TIAM2: variants seen among roughly 807,000 people sequenced by gnomAD.
The protein encoded by TIAM2 is rho guanine nucleotide exchange factor TIAM2.
A neutral mutation model predicts 152.9 loss-of-function variants in TIAM2; 80 were observed. The observed-to-expected ratio is 0.52, with a 90% CI of 0.44 to 0.63. TIAM2 has a LOEUF of 0.63. Ranked by LOEUF, TIAM2 falls within the 30% of genes least tolerant of loss-of-function variation. The probability of loss-of-function intolerance (pLI) is 0.00; values close to 1 mark genes in which losing one functional copy is unlikely to be tolerated. For missense variants in TIAM2, 1,965 were observed against 2,120.1 expected (o/e 0.93, Z 1.44); for synonymous variants, 804 against 838.0 (o/e 0.96, Z 0.70).
rs1379975765 is a variant in TIAM2 at position 155,257,572 on chromosome 6, T to C, written c.*451T>C. The C allele has an allele frequency of 1.9e-5, 7 of 362,240 alleles. No individual in the cohort carries two copies. The highest frequency in any genetic ancestry group is 2.7e-5 in the Non-Finnish European group (6 of 223,592). 22.4% of individuals were successfully genotyped at this position (362,240 alleles called of 1,614,324 possible). On this transcript the variant is annotated 3_prime_UTR_variant, in exon 27 of 27. Transcript: ENST00000682666. ...AGGGGCAAAATGTGCAGATACTTCA[T>C]TTTTGTAAGATAGATTGTAATAGAT... is the stretch of plus-strand genomic sequence containing the variant.
At chr6:155,161,180 T>C (rs1274762293) in intron 7 of TIAM2, among the ~76,000 whole-genome samples, 3 of 151,776 alleles carry the variant, frequency 2.0e-5, no homozygotes, top group Non-Finnish European at 4.4e-5. Flanking sequence ...TATCCCTGTG[T>C]GCTCATTCCC....
chr6:155,120,982 G>A (rs919936381), intron 2 of TIAM2, among the ~76,000 whole-genome samples: 1 of 152,144 alleles, frequency 6.6e-6, no homozygotes, highest in African/African-American at 2.4e-5. Flanking sequence ...TGTATGGCTT[G>A]TGTCACTGGT....
chr6:155,225,942 G>A (rs115383868), intron 15 of TIAM2, among the ~76,000 whole-genome samples: 1 of 152,272 alleles, frequency 6.6e-6, no homozygotes, highest in Admixed American at 6.5e-5. Context: ...TTTAAGGCAA[G>A]TAGCCCTTGG....
At chr6:155,217,807 T>A (rs1354355900) in intron 15 of TIAM2, among the ~76,000 whole-genome samples, 1 of 152,222 alleles carries the variant, frequency 6.6e-6, no homozygotes, top group Non-Finnish European at 1.5e-5. Context: ...ATATAATTGA[T>A]ATATTTTGTC....
chr6:155,014,924 G>C (rs950645533), intron 1 of TIAM2, among the ~76,000 whole-genome samples: 4 of 152,124 alleles, frequency 2.6e-5, no homozygotes, highest in Non-Finnish European at 2.9e-5. Flanking sequence ...TGAGTTGTCC[G>C]TCAGGAGGCT....
intron 2 of TIAM2, among the ~76,000 whole-genome samples, chr6:155,106,375 C>G (rs1159338949): frequency 6.6e-6 from 1 of 152,034 alleles, no homozygotes; most frequent in Non-Finnish European, 1.5e-5. Flanking sequence ...CACTCTGAAC[C>G]TCTGCTGTAT....
intron 15 of TIAM2, among the ~76,000 whole-genome samples, chr6:155,228,078 G>A (rs975665393): frequency 3.3e-5 from 5 of 152,238 alleles, no homozygotes; most frequent in Admixed American, 6.5e-5. Flanking sequence ...GGGAGCCAGA[G>A]AAAGGGAGGA....
intron 2 of TIAM2, among the ~76,000 whole-genome samples, chr6:155,092,668 C>T (rs936674098): frequency 3.3e-5 from 5 of 151,856 alleles, no homozygotes; most frequent in Non-Finnish European, 7.4e-5. Flanking sequence ...CCAGTCTGAC[C>T]AACATGGAGA....
At chr6:155,232,190 G>C (rs1158306504) in intron 15 of TIAM2, among the ~76,000 whole-genome samples, 2 of 152,082 alleles carry the variant, frequency 1.3e-5, no homozygotes, top group Non-Finnish European at 2.9e-5. Context: ...GATAATACTA[G>C]ATCTTTCTGT....
chr6:155,200,674 G>T (rs1416867431), intron 14 of TIAM2, among the ~76,000 whole-genome samples: 1 of 152,168 alleles, frequency 6.6e-6, no homozygotes, highest in Non-Finnish European at 1.5e-5. Flanking sequence ...GGAGGCTGAG[G>T]TGGGCGGATC....
In TIAM2 at chr6:155,213,912, G is replaced by A. The variant is rs1466110698; in HGVS notation, c.3168+2605G>A. ...AAGAGCAGAGCGGGCACCAGGAGTA[G>A]GGAGAAACCAGGCAGTGGGAGCAGG... is the stretch of plus-strand genomic sequence containing the variant. On this transcript the variant is annotated intron_variant, in intron 15 of 26. Transcript: ENST00000682666. The surrounding 1 kb of genome is among the most constrained non-coding windows in gnomAD (Gnocchi z 4.2). Among the ~76,000 whole-genome samples the A allele has an allele frequency of 6.6e-6, 1 of 152,252 alleles. No individual in the cohort carries two copies. The highest frequency in any genetic ancestry group is 1.5e-5 in the Non-Finnish European group (1 of 68,046).
chr6:155,178,716 A>T (rs182261113), intron 10 of TIAM2, among the ~76,000 whole-genome samples: 1 of 152,216 alleles, frequency 6.6e-6, no homozygotes, highest in Non-Finnish European at 1.5e-5. Context: ...CTAGTATTAT[A>T]GGTGTGTGCC....
At chr6:155,066,860 A>T (rs1010351775) in intron 1 of TIAM2, among the ~76,000 whole-genome samples, 1 of 151,916 alleles carries the variant, frequency 6.6e-6, no homozygotes, top group Admixed American at 6.6e-5. Context: ...GGTTCAAGCG[A>T]TTCTCCTGCC....
chr6:155,207,075 C>G (rs990196069), intron 14 of TIAM2, among the ~76,000 whole-genome samples: 3 of 152,156 alleles, frequency 2.0e-5, no homozygotes, highest in African/African-American at 7.2e-5. Context: ...AGATTTTCGC[C>G]TGGGAGGGGC....
intron 6 of TIAM2, among the ~76,000 whole-genome samples, chr6:155,145,358 G>A (rs1201055210): frequency 6.6e-6 from 1 of 152,082 alleles, no homozygotes; most frequent in Non-Finnish European, 1.5e-5. Context: ...TATTGGGGTC[G>A]GGCTTAGGTT....
chr6:155,209,653 C>A (rs1412129471), intron 14 of TIAM2, among the ~76,000 whole-genome samples: 1 of 152,136 alleles, frequency 6.6e-6, no homozygotes, highest in Non-Finnish European at 1.5e-5. Flanking sequence ...ACTCTGCAAC[C>A]AACAACAGTG....
At chr6:155,084,315 C>G (rs758423865) in intron 1 of TIAM2, among the ~76,000 whole-genome samples, 1 of 152,208 alleles carries the variant, frequency 6.6e-6, no homozygotes. Flanking sequence ...AGATCAGAAG[C>G]AAGCTGTGTC....
chr6:155,081,463 T>C (rs895793145), intron 1 of TIAM2, among the ~76,000 whole-genome samples: 1 of 151,322 alleles, frequency 6.6e-6, no homozygotes, highest in African/African-American at 2.4e-5. Flanking sequence ...TCAGAAATTA[T>C]GTCTAGTCTT....
intron 6 of TIAM2, among the ~76,000 whole-genome samples, chr6:155,145,009 TGG>T (rs1463078349): frequency 1.3e-5 from 2 of 152,196 alleles, no homozygotes; most frequent in Middle Eastern, 3.2e-3. Context: ...TCCCAGGCTG[TGG>T]CCCATGAGAT....
Sources: gnomAD v4.1 joint callset for allele counts (sites outside exome capture counted in the v4.1 genomes callset) on GRCh38, gnomAD v4.1.1 for gene constraint, Gnocchi (gnomAD v3.1) non-coding constraint, MANE v1.5 for transcripts, NCBI Gene and HGNC (gene_info 2026-07-23, HGNC 2026-07-21) for gene names.